Variants in SLC2A13 observed in about 807,000 individuals in gnomAD.
The protein encoded by SLC2A13 is proton myo-inositol cotransporter.
Under a neutral mutation model 64.4 loss-of-function variants are expected in SLC2A13, and 32 were observed. That is an observed-to-expected ratio of 0.50 (90% CI 0.37 to 0.67). The LOEUF is 0.67. Ranked by LOEUF, SLC2A13 falls within the 30% of genes least tolerant of loss-of-function variation. The probability of loss-of-function intolerance (pLI) is 0.00; values close to 1 mark genes in which losing one functional copy is unlikely to be tolerated. For missense variants in SLC2A13, 743 were observed against 829.2 expected (o/e 0.90, Z 1.28); for synonymous variants, 338 against 327.1 (o/e 1.03, Z -0.36).
intron 6 of SLC2A13, among the ~76,000 whole-genome samples, chr12:39,844,690 C>T (rs1416853004): frequency 6.6e-6 from 1 of 152,050 alleles, no homozygotes; most frequent in Non-Finnish European, 1.5e-5. Flanking sequence ...TTCAATGCTA[C>T]TTCAAGTGGA....
chr12:39,876,488 T>C (rs909095872), intron 4 of SLC2A13, among the ~76,000 whole-genome samples: 4 of 152,214 alleles, frequency 2.6e-5, no homozygotes, highest in African/African-American at 9.6e-5. Context: ...TGCTGGTTTA[T>C]TGAATTTATC....
At chr12:39,854,592 C>T (rs1269964395) in intron 6 of SLC2A13, among the ~76,000 whole-genome samples, 1 of 152,152 alleles carries the variant, frequency 6.6e-6, no homozygotes, top group Admixed American at 6.5e-5. Flanking sequence ...CTCTCTGGGG[C>T]TGCCAGACTC....
chr12:39,856,945 A>T (rs1455362193), intron 6 of SLC2A13, among the ~76,000 whole-genome samples: 1 of 152,230 alleles, frequency 6.6e-6, no homozygotes, highest in African/African-American at 2.4e-5. Context: ...AAAATACACC[A>T]GACGCTGATT....
At chr12:40,016,170 T>C (rs1380621583) in intron 3 of SLC2A13, among the ~76,000 whole-genome samples, 2 of 152,022 alleles carry the variant, frequency 1.3e-5, no homozygotes, top group African/African-American at 2.4e-5. Flanking sequence ...AAAGAACTTA[T>C]AATTTGAAAA....
At chr12:39,979,100 G>A (rs1946833502) in intron 3 of SLC2A13, among the ~76,000 whole-genome samples, 2 of 151,764 alleles carry the variant, frequency 1.3e-5, no homozygotes, top group Non-Finnish European at 2.9e-5. Flanking sequence ...CAACAGACCT[G>A]CAGCTGAGGG....
chr12:40,042,933 C>T (rs988527862), intron 2 of SLC2A13, among the ~76,000 whole-genome samples: 7 of 131,146 alleles, frequency 5.3e-5, no homozygotes, highest in African/African-American at 1.5e-4. Context: ...TAGGGAGACA[C>T]TACAGGCAAA....
chr12:39,831,473 A>G (rs1438036310), intron 6 of SLC2A13, among the ~76,000 whole-genome samples: 1 of 152,208 alleles, frequency 6.6e-6, no homozygotes, highest in Non-Finnish European at 1.5e-5. Context: ...CAAAAGACAT[A>G]CAAGTTGTCT....
At chr12:40,051,797 G>A (rs567244175) in intron 1 of SLC2A13, among the ~76,000 whole-genome samples, 1 of 152,244 alleles carries the variant, frequency 6.6e-6, no homozygotes, top group African/African-American at 2.4e-5. Context: ...ATCAACCACA[G>A]TGTAAAGGAT....
At chr12:39,978,032 C>G (rs903881783) in intron 3 of SLC2A13, among the ~76,000 whole-genome samples, 2 of 152,224 alleles carry the variant, frequency 1.3e-5, no homozygotes, top group African/African-American at 4.8e-5. Flanking sequence ...GCTCTGTGAG[C>G]TCAGTAACCA....
At chr12:40,058,471 A>G (rs1948368534) in intron 1 of SLC2A13, among the ~76,000 whole-genome samples, 2 of 152,110 alleles carry the variant, frequency 1.3e-5, no homozygotes. Flanking sequence ...TGTTTTTTGG[A>G]GCTCTAGTTC....
At chr12:39,972,484 C>A (rs1946680953) in intron 3 of SLC2A13, among the ~76,000 whole-genome samples, 1 of 152,156 alleles carries the variant, frequency 6.6e-6, no homozygotes, top group Admixed American at 6.5e-5. Flanking sequence ...AATCTCCCTG[C>A]ATCTTGGCCC....
intron 4 of SLC2A13, among the ~76,000 whole-genome samples, chr12:39,928,369 G>C (rs1293532051): frequency 6.6e-6 from 1 of 152,078 alleles, no homozygotes; most frequent in Admixed American, 6.6e-5. Context: ...TTGAGAGCCT[G>C]CCAACCCTCC....
chr12:40,034,702 T>C lies in SLC2A13; in HGVS notation c.717-6193A>G, dbSNP rs1405464476. 2.6e-5 allele frequency among the ~76,000 whole-genome samples: 4 copies of C among 152,182 alleles called. No individual in the cohort carries two copies. The East Asian group carries it at 7.7e-4, about 29-fold the overall frequency. Reference sequence around the variant, plus strand: ...AAATTCTATAGCTTCAAGTTGGTATTCTTTCACAAATAACTATAAAATAAA... The same window carrying C: ...AAATTCTATAGCTTCAAGTTGGTATCCTTTCACAAATAACTATAAAATAAA... On this transcript the variant is annotated intron_variant, in intron 2 of 9. Transcript: ENST00000280871.
At chr12:39,958,892 T>C (rs150145175) in intron 3 of SLC2A13, among the ~76,000 whole-genome samples, 69 of 152,184 alleles carry the variant, frequency 4.5e-4, no homozygotes, top group East Asian at 3.1e-3. Flanking sequence ...CTCTGTTCCA[T>C]AGTGAATTAT....
chr12:39,849,513 G>C (rs1418440904), intron 6 of SLC2A13, among the ~76,000 whole-genome samples: 2 of 152,146 alleles, frequency 1.3e-5, no homozygotes, highest in South Asian at 2.1e-4. Context: ...GCTGTTTATT[G>C]AGGTGCTCAT....
chr12:39,772,424 C>A (rs1555233999), intron 7 of SLC2A13, among the ~76,000 whole-genome samples: 1 of 151,866 alleles, frequency 6.6e-6, no homozygotes, highest in East Asian at 1.9e-4. Flanking sequence ...TTTTTTAAAT[C>A]TCAACCTATT....
intron 1 of SLC2A13, among the ~76,000 whole-genome samples, chr12:40,067,861 C>A (rs774469213): frequency 6.6e-6 from 1 of 152,154 alleles, no homozygotes; most frequent in Non-Finnish European, 1.5e-5. Flanking sequence ...TTCTTCTTCA[C>A]TGTTTAATCC....
chr12:39,998,490 A>G (rs1947270170), intron 3 of SLC2A13, among the ~76,000 whole-genome samples: 1 of 152,234 alleles, frequency 6.6e-6, no homozygotes, highest in Non-Finnish European at 1.5e-5. Flanking sequence ...GATGTGAGAC[A>G]TGGAGTCAAA....
chr12:40,046,605 G>A (rs1592036431), intron 2 of SLC2A13, among the ~76,000 whole-genome samples: 2 of 151,072 alleles, frequency 1.3e-5, no homozygotes, highest in African/African-American at 2.4e-5. Flanking sequence ...AACAGTTATC[G>A]TCTTTCCTCT....
Sources: allele counts gnomAD v4.1 joint callset (sites outside exome capture counted in the v4.1 genomes callset), GRCh38; gene constraint gnomAD v4.1.1; transcripts MANE v1.5; gene names NCBI Gene and HGNC (gene_info 2026-07-23, HGNC 2026-07-21).